Variants in RARB observed in about 807,000 individuals in gnomAD.
RARB encodes HBV-activated protein.
A neutral mutation model predicts 51.9 loss-of-function variants in RARB; 17 were observed. That is an observed-to-expected ratio of 0.33 (90% CI 0.22 to 0.49). The LOEUF (loss-of-function observed/expected upper bound fraction) is 0.49. Ranked by LOEUF, RARB falls within the 20% of genes least tolerant of loss-of-function variation. The pLI is 0.99. For missense variants in RARB, 369 were observed against 550.8 expected (o/e 0.67, Z 3.30); for synonymous variants, 215 against 195.4 (o/e 1.10, Z -0.84).
chr3:25,191,567 G>A (rs1248619918), intron 5 of RARB, among the ~76,000 whole-genome samples: 1 of 152,050 alleles, frequency 6.6e-6, no homozygotes, highest in Non-Finnish European at 1.5e-5. Context: ...AAGCACATGG[G>A]GAAATAAGTG....
intron 2 of RARB, among the ~76,000 whole-genome samples, chr3:25,025,758 A>C (rs1697734118): frequency 6.6e-6 from 1 of 152,174 alleles, no homozygotes; most frequent in Non-Finnish European, 1.5e-5. Context: ...AATGTGGGTA[A>C]CTAAATTCAA....
intron 2 of RARB, among the ~76,000 whole-genome samples, chr3:24,961,964 CTG>C (rs1157608921): frequency 8.8e-6 from 1 of 113,436 alleles, no homozygotes; most frequent in Non-Finnish European, 1.7e-5. Flanking sequence ...GAGTCTTGCT[CTG>C]TCGCCCAGGC....
intron 5 of RARB, among the ~76,000 whole-genome samples, chr3:25,593,245 G>A (rs1035528004): frequency 6.6e-6 from 1 of 151,724 alleles, no homozygotes; most frequent in African/African-American, 2.4e-5. Context: ...TTTGAGTCAA[G>A]TAATGAATTA....
chr3:25,383,656 G>A (rs149261423), intron 5 of RARB, among the ~76,000 whole-genome samples: 321 of 152,202 alleles, frequency 2.1e-3, no homozygotes, highest in African/African-American at 7.3e-3. Context: ...GGCTGGGCAC[G>A]GTGGCTCACG....
intron 5 of RARB, among the ~76,000 whole-genome samples, chr3:25,315,575 C>T (rs995786377): frequency 4.6e-5 from 7 of 152,060 alleles, no homozygotes; most frequent in African/African-American, 1.7e-4. Flanking sequence ...TGGATAAGAC[C>T]ATTTACTTCT....
intron 5 of RARB, among the ~76,000 whole-genome samples, chr3:25,370,468 G>T (rs890152648): frequency 6.6e-6 from 1 of 152,160 alleles, no homozygotes; most frequent in Non-Finnish European, 1.5e-5. Flanking sequence ...AAAGGAGTGG[G>T]AGTTTTCTGG....
chr3:25,456,672 TATATATATATAG>T (rs1482570517), intron 1 of RARB, among the ~76,000 whole-genome samples: 6 of 111,948 alleles, frequency 5.4e-5, no homozygotes, highest in African/African-American at 1.4e-4. Flanking sequence ...TATATATATA[TATATATATATAG>T]AGAGAGAGAG....
intron 5 of RARB, among the ~76,000 whole-genome samples, chr3:25,310,184 T>C (rs1377027688): frequency 2.0e-5 from 3 of 152,216 alleles, no homozygotes; most frequent in African/African-American, 7.2e-5. Flanking sequence ...GCAGCACTCA[T>C]GATGGTGGCT....
At chr3:25,375,174 A>G (rs1272746972) in intron 5 of RARB, among the ~76,000 whole-genome samples, 1 of 152,240 alleles carries the variant, frequency 6.6e-6, no homozygotes, top group Non-Finnish European at 1.5e-5. Flanking sequence ...ACCCATCAGC[A>G]TATTCCACCT....
chr3:25,023,938 T>C (rs1697691380), intron 2 of RARB, among the ~76,000 whole-genome samples: 1 of 152,132 alleles, frequency 6.6e-6, no homozygotes, highest in Non-Finnish European at 1.5e-5. Context: ...GTTGATATCA[T>C]AGTCTGAGTC....
At chr3:24,860,489 C>G (rs370347775) in intron 2 of RARB, among the ~76,000 whole-genome samples, 8 of 152,090 alleles carry the variant, frequency 5.3e-5, no homozygotes, top group African/African-American at 1.9e-4. Context: ...TTCAAACACA[C>G]GGCAAGAGTT....
At chr3:25,011,599 G>A (rs1490673241) in intron 2 of RARB, among the ~76,000 whole-genome samples, 1 of 152,060 alleles carries the variant, frequency 6.6e-6, no homozygotes, top group Non-Finnish European at 1.5e-5. Context: ...GATTGACCAG[G>A]AAATCTCAGC....
chr3:24,915,751 A>AAATAGCTT (rs1285449655), intron 2 of RARB, among the ~76,000 whole-genome samples: 1 of 152,210 alleles, frequency 6.6e-6, no homozygotes, highest in Non-Finnish European at 1.5e-5. Context: ...TGAGCTCACC[A>AAATAGCTT]AATAGCTTTC....
At chr3:25,516,023 T>C (rs1698145945) in intron 3 of RARB, among the ~76,000 whole-genome samples, 1 of 152,362 alleles carries the variant, frequency 6.6e-6, no homozygotes, top group East Asian at 1.9e-4. Flanking sequence ...TTTAACATCT[T>C]GGCATTTTGC....
intron 5 of RARB, among the ~76,000 whole-genome samples, chr3:25,287,060 T>TGACAAAA (rs1444222591): frequency 6.6e-6 from 1 of 152,226 alleles, no homozygotes; most frequent in African/African-American, 2.4e-5. Context: ...AAGAGGCAGT[T>TGACAAAA]TGTTTCTATG....
chr3:25,082,968 A>G (rs192445985), intron 3 of RARB, among the ~76,000 whole-genome samples: 1 of 152,056 alleles, frequency 6.6e-6, no homozygotes, highest in Admixed American at 6.5e-5. Context: ...GGTTTTTTTA[A>G]TTTCAGTAAT....
At chr3:25,094,652 G>A (rs569358328) in intron 3 of RARB, among the ~76,000 whole-genome samples, 1 of 148,440 alleles carries the variant, frequency 6.7e-6, no homozygotes, top group African/African-American at 2.5e-5. Flanking sequence ...AGGAGGCAGA[G>A]GGTGCAGTGA....
chr3:25,383,409 A>G (rs540796549), intron 5 of RARB, among the ~76,000 whole-genome samples: 1 of 152,322 alleles, frequency 6.6e-6, no homozygotes, highest in African/African-American at 2.4e-5. Flanking sequence ...TTTGCTTATT[A>G]GATTTGGCAG....
At chr3:25,332,550 C>A (rs141922675) in intron 5 of RARB, among the ~76,000 whole-genome samples, 1 of 152,102 alleles carries the variant, frequency 6.6e-6, no homozygotes, top group Non-Finnish European at 1.5e-5. Context: ...CCATTTATGA[C>A]GAACCCACAG....
Sources: gnomAD v4.1 joint callset for allele counts (sites outside exome capture counted in the v4.1 genomes callset) on GRCh38, gnomAD v4.1.1 for gene constraint, MANE v1.5 for transcripts, NCBI Gene and HGNC (gene_info 2026-07-23, HGNC 2026-07-21) for gene names.